The following ESRRG variants were observed in gnomAD, a reference collection of about 807,000 sequenced individuals.
ESRRG encodes estrogen-related receptor gamma.
ESRRG carries 13 observed loss-of-function variants against 44.0 expected under a neutral mutation model. The ratio of observed to expected loss-of-function variants is 0.30; its 90% CI spans 0.19 to 0.47. The LOEUF is 0.47. Ranked by LOEUF, ESRRG falls within the 20% of genes least tolerant of loss-of-function variation. The pLI, the probability that ESRRG is intolerant of heterozygous loss-of-function variation, is 1.00. For synonymous variants in ESRRG, 215 were observed against 214.6 expected (o/e 1.00, Z -0.02); for missense variants, 395 against 580.6 (o/e 0.68, Z 3.29).
intron 2 of ESRRG, chr1:216,805,323 C>T (rs2094753981): frequency 6.6e-6 from 1 of 152,126 alleles, no homozygotes; most frequent in South Asian, 2.1e-4. Flanking sequence ...CTGATTTGCA[C>T]ATTTGTTGAG....
chr1:217,048,292 G>C (rs1460516024), intron 1 of ESRRG, among the ~76,000 whole-genome samples: 1 of 152,146 alleles, frequency 6.6e-6, no homozygotes, highest in Non-Finnish European at 1.5e-5. Flanking sequence ...GGAGAGTAGA[G>C]GGTATTCTGT....
intron 2 of ESRRG, among the ~76,000 whole-genome samples, chr1:216,873,542 C>A (rs188882801): frequency 2.2e-4 from 33 of 152,150 alleles, no homozygotes; most frequent in Middle Eastern, 3.4e-3. Context: ...TTATGAGGTT[C>A]TTTTCCCAAG....
chr1:216,582,404 CT>C (rs1482227065), intron 3 of ESRRG, among the ~76,000 whole-genome samples: 1 of 152,224 alleles, frequency 6.6e-6, no homozygotes, highest in East Asian at 1.9e-4. Context: ...GAAGGAATGT[CT>C]TTTTGCCAAG....
intron 3 of ESRRG, among the ~76,000 whole-genome samples, chr1:216,618,728 A>T (rs918682459): frequency 1.3e-5 from 2 of 152,244 alleles, no homozygotes; most frequent in Non-Finnish European, 2.9e-5. Flanking sequence ...ACCTCAAAAA[A>T]AATGGTGTGA....
intron 1 of ESRRG, among the ~76,000 whole-genome samples, chr1:216,994,564 A>T (rs1003202753): frequency 2.0e-5 from 3 of 152,096 alleles, no homozygotes; most frequent in African/African-American, 7.2e-5. Context: ...ACAACACTCA[A>T]TTCAGTCCTA....
At chr1:217,112,096 A>G (rs1298842966) in intron 1 of ESRRG, among the ~76,000 whole-genome samples, 5 of 152,188 alleles carry the variant, frequency 3.3e-5, no homozygotes, top group Non-Finnish European at 7.3e-5. Context: ...AAGTCTTCAG[A>G]TAAGTATAGC....
chr1:216,830,422 A>T (rs1470947539), intron 2 of ESRRG, among the ~76,000 whole-genome samples: 1 of 152,222 alleles, frequency 6.6e-6, no homozygotes, highest in Admixed American at 6.5e-5. Flanking sequence ...GTTAGTGTGC[A>T]CAACGCTTGA....
At chr1:216,866,667 C>A (rs530820065) in intron 2 of ESRRG, among the ~76,000 whole-genome samples, 1 of 151,902 alleles carries the variant, frequency 6.6e-6, no homozygotes, top group African/African-American at 2.4e-5. Context: ...ACCTCCTAGG[C>A]TCCGGTGATC....
At chr1:216,885,264 T>G (rs2096498534) in intron 2 of ESRRG, among the ~76,000 whole-genome samples, 2 of 152,188 alleles carry the variant, frequency 1.3e-5, no homozygotes, top group Admixed American at 6.5e-5. Flanking sequence ...ACACATAAGG[T>G]ATACACTATA....
At chr1:216,512,806 G>A (rs1015286335) in intron 6 of ESRRG, among the ~76,000 whole-genome samples, 1 of 152,158 alleles carries the variant, frequency 6.6e-6, no homozygotes, top group Non-Finnish European at 1.5e-5. Flanking sequence ...CCTGATATGG[G>A]AGATTATCCT....
intron 1 of ESRRG, among the ~76,000 whole-genome samples, chr1:217,070,619 T>C (rs1020424360): frequency 6.6e-6 from 1 of 152,186 alleles, no homozygotes; most frequent in Non-Finnish European, 1.5e-5. Context: ...GACCTCAGGT[T>C]ATCCACCCCA....
At chr1:216,884,733 C>T (rs908553332) in intron 2 of ESRRG, among the ~76,000 whole-genome samples, 1 of 152,192 alleles carries the variant, frequency 6.6e-6, no homozygotes, top group Non-Finnish European at 1.5e-5. Flanking sequence ...TGAACACAGA[C>T]TGGCTGCTTT....
intron 2 of ESRRG, among the ~76,000 whole-genome samples, chr1:216,676,484 A>C (rs1022880713): frequency 2.0e-5 from 3 of 152,160 alleles, no homozygotes; most frequent in African/African-American, 7.2e-5. Flanking sequence ...TAGGTAATTA[A>C]ATTTGTCTAG....
Position 217,104,882 on chromosome 1 carries a change from G to A in ESRRG, c.-230+32785C>T, listed in dbSNP as rs188214169. ...AGATGTATCATAACTCTCTTCCTTA[G>A]GGATGCAGCTTCCATTGTGAGTAAC... On this transcript the variant is annotated intron_variant, in intron 1 of 8. Transcript: ENST00000366940. Among the ~76,000 whole-genome samples the A allele has an allele frequency of 9.5e-4, 144 of 152,236 alleles. 1 individual carries two copies. Among genetic ancestry groups the A allele is most frequent in the South Asian group, 1.9e-3 (9 of 4,814 alleles).
At chr1:216,972,842 G>T (rs147785501) in intron 1 of ESRRG, among the ~76,000 whole-genome samples, 1 of 152,172 alleles carries the variant, frequency 6.6e-6, no homozygotes, top group African/African-American at 2.4e-5. Flanking sequence ...GTGCAGGTGC[G>T]TGTAAAAGTT....
At position 216,712,216 on chromosome 1, in the gene ESRRG, C is replaced by T. The variant is rs1322894240; in HGVS notation, c.56+11028G>A. Among the ~76,000 whole-genome samples the T allele has an allele frequency of 4.6e-5, 7 of 152,202 alleles. No homozygotes were observed. The South Asian group carries it at 8.3e-4, about 18-fold the overall frequency. ...AGTTTTTTGCATGTAAGAACATTTA[C>T]GTATTCAATGGAGTGTTTACTATAT... On this transcript the variant is annotated intron_variant, in intron 1 of 6. Coordinates refer to ENST00000408911, the MANE Select transcript of ESRRG (RefSeq NM_001438.4).
intron 2 of ESRRG, among the ~76,000 whole-genome samples, chr1:216,748,148 C>T (rs2091620849): frequency 6.6e-6 from 1 of 152,158 alleles, no homozygotes; most frequent in African/African-American, 2.4e-5. Context: ...TGGAATCCCT[C>T]ATAAGCAGTG....
chr1:216,925,559 T>A (rs573865919), intron 2 of ESRRG, among the ~76,000 whole-genome samples: 2 of 152,174 alleles, frequency 1.3e-5, no homozygotes, highest in African/African-American at 4.8e-5. Flanking sequence ...GAGAAGAACA[T>A]GCCCCTGAGG....
intron 2 of ESRRG, among the ~76,000 whole-genome samples, chr1:216,779,154 A>T (rs1232192281): frequency 9.9e-6 from 1 of 100,566 alleles, no homozygotes; most frequent in Non-Finnish European, 2.0e-5. Context: ...ATTTATATAT[A>T]TATAAAATAA....
Sources: gnomAD v4.1 joint callset for allele counts (sites outside exome capture counted in the v4.1 genomes callset) on GRCh38, gnomAD v4.1.1 for gene constraint, MANE v1.5 for transcripts, NCBI Gene and HGNC (gene_info 2026-07-23, HGNC 2026-07-21) for gene names.